Variants in HAS2 observed in about 807,000 individuals in gnomAD.
The protein encoded by HAS2 is HA synthase 2.
Under a neutral mutation model 51.6 loss-of-function variants are expected in HAS2, and 16 were observed. The observed-to-expected ratio is 0.31, with a 90% CI of 0.21 to 0.47. The LOEUF (loss-of-function observed/expected upper bound fraction) is 0.47. HAS2 is among the 20% of genes least tolerant of loss of function. The probability of loss-of-function intolerance (pLI) is 1.00; values close to 1 mark genes in which losing one functional copy is unlikely to be tolerated. For missense variants in HAS2, 361 were observed against 662.6 expected (o/e 0.54, Z 5.00); for synonymous variants, 228 against 235.5 (o/e 0.97, Z 0.29).
At chr8:121,638,131 GA>G (rs967891765) in intron 1 of HAS2, among the ~76,000 whole-genome samples, 2 of 152,146 alleles carry the variant, frequency 1.3e-5, no homozygotes, top group Non-Finnish European at 1.5e-5. Context: ...AAAAATTCAA[GA>G]AAAAAATTTT....
intron 2 of HAS2, among the ~76,000 whole-genome samples, chr8:121,624,477 G>A (rs929911163): frequency 6.6e-6 from 1 of 152,152 alleles, no homozygotes; most frequent in African/African-American, 2.4e-5. Flanking sequence ...TTACAAGTAC[G>A]TTTTACTGAG....
In HAS2 at chr8:121,617,214, G is replaced by A. The variant is rs1812715102; in HGVS notation, c.628-8C>T. ...AGTGTCTGAATCACAAACCTGCAAA[G>A]AAGCAAATGAAAAATGAGTTAAAGA... On this transcript the variant is annotated splice_polypyrimidine_tract_variant and splice_region_variant and intron_variant, in intron 2 of 3. Coordinates refer to ENST00000303924, the MANE Select transcript of HAS2 (RefSeq NM_005328.3). 2 of 1,526,054 alleles carry A rather than the reference G, an allele frequency of 1.3e-6. No homozygotes were observed. Among genetic ancestry groups the A allele is most frequent in the Non-Finnish European group, 1.8e-6 (2 of 1,110,798 alleles). The allele number at this position is 1,526,054 out of a possible 1,614,324, so 94.5% of individuals were successfully genotyped here. A position where few individuals can be genotyped will look rare whatever the true frequency, so the allele number is the denominator to read the frequency against.
chr8:121,636,655 T>A (rs1813014184), intron 1 of HAS2, among the ~76,000 whole-genome samples: 1 of 152,208 alleles, frequency 6.6e-6, no homozygotes, highest in Non-Finnish European at 1.5e-5. Context: ...GTTCCTGAAC[T>A]TCACCATCCT....
intron 1 of HAS2, among the ~76,000 whole-genome samples, chr8:121,633,772 C>T (rs1369682717): frequency 6.6e-6 from 1 of 152,194 alleles, no homozygotes; most frequent in Admixed American, 6.5e-5. Context: ...ACCTCGAAGC[C>T]ATTTCCTCTG....
chr8:121,635,783 G>A (rs913947403), intron 1 of HAS2, among the ~76,000 whole-genome samples: 2 of 152,218 alleles, frequency 1.3e-5, no homozygotes, highest in Non-Finnish European at 2.9e-5. Flanking sequence ...TTTATCTAAT[G>A]AAGGCGTGAA....
Position 121,617,146 on chromosome 8 carries a change from C to A in HAS2, c.688G>T (p.Glu230Ter). Residue 230 changes from glutamate to a stop codon, truncating the protein, a stop_gained, in exon 3 of 4, where the codon GAA becomes TAA. Coordinates refer to ENST00000303924, the MANE Select transcript of HAS2 (RefSeq NM_005328.3). LOFTEE classifies it high-confidence loss of function. ...ACACCTCCAACCATGGGATCTTCTT[C>A]TAAAACTTTTACCATCTCCACAGAT... ...ASSVEMVKVLEEDPMVGGVGG... is the reference protein window; with the variant it reads ...ASSVEMVKVL 6.2e-7 allele frequency: 1 copy of A among 1,612,572 alleles called. No homozygotes were observed.
intron 3 of HAS2, among the ~76,000 whole-genome samples, chr8:121,616,805 C>A (rs1275905017): frequency 2.0e-5 from 3 of 152,146 alleles, no homozygotes; most frequent in African/African-American, 7.2e-5. Context: ...AGTTATGGCC[C>A]AAAGGTATAT....
intron 3 of HAS2, among the ~76,000 whole-genome samples, chr8:121,616,711 C>T (rs992766880): frequency 2.6e-5 from 4 of 152,170 alleles, no homozygotes; most frequent in Admixed American, 1.3e-4. Flanking sequence ...GCTGGGATTA[C>T]AGGCATAAAC....
At chr8:121,632,142 C>T (rs1182400442) in intron 1 of HAS2, among the ~76,000 whole-genome samples, 1 of 152,160 alleles carries the variant, frequency 6.6e-6, no homozygotes, top group Non-Finnish European at 1.5e-5. Context: ...GTATGGCACA[C>T]ACAGCATCTT....
rs62524928 is a variant in HAS2 at position 121,614,420 on chromosome 8, C to T, written c.1348G>A (p.Ala450Thr). 1 of 1,614,020 alleles carries T rather than the reference C, an allele frequency of 6.2e-7. No homozygotes were observed. Among genetic ancestry groups the T allele is most frequent in the Non-Finnish European group, 8.5e-7 (1 of 1,179,980 alleles). ...SVLYMSSLLP[A>T]KMFAIATINK... The stretch of plus-strand genomic sequence containing the variant: ...ATTGTTGCAATTGCAAACATCTTGG[C>T]GGGAAGTAAACTCGACATGTATAAC... The change falls in exon 4 of 4, where the codon GCC (alanine) becomes ACC (threonine). Residue 450 changes from alanine (A) to threonine (T), a missense_variant. By Grantham distance (58) the Ala-to-Thr change is moderately conservative (BLOSUM62 0). Coordinates refer to ENST00000303924, the MANE Select transcript of HAS2 (RefSeq NM_005328.3). The surrounding 1 kb of genome is among the most constrained non-coding windows in gnomAD (Gnocchi z 7.2).
intron 3 of HAS2, 58 bp downstream of exon 3, chr8:121,617,047 A>G: frequency 1.1e-6 from 1 of 936,942 alleles, no homozygotes. Context: ...TCAATGAGTA[A>G]AAGTGCTCTT....
At chr8:121,635,562 C>T (rs1382972559) in intron 1 of HAS2, among the ~76,000 whole-genome samples, 4 of 152,188 alleles carry the variant, frequency 2.6e-5, no homozygotes, top group Non-Finnish European at 4.4e-5. Context: ...AGCAACCTGG[C>T]TCAGACAAAC....
rs976690940 is a variant in HAS2 at position 121,641,327 on chromosome 8, G to A, written c.-475C>T. The A allele has an allele frequency of 3.3e-5, 5 of 149,866 alleles. No individual in the cohort carries two copies. Among genetic ancestry groups the A allele is most frequent in the African/African-American group, 1.2e-4 (5 of 40,720 alleles). 9.3% of individuals were successfully genotyped at this position (149,866 alleles called of 1,614,324 possible). ...AAGTCTTTGGCTGGGGCTGTTTCAA[G>A]TCTCTGGTTCAATGGGCTGCTCGAA... On this transcript the variant is annotated 5_prime_UTR_variant, in exon 1 of 4. Coordinates refer to ENST00000303924, the MANE Select transcript of HAS2 (RefSeq NM_005328.3).
At chr8:121,639,684 GA>G in intron 1 of HAS2, 1 of 152,504 alleles carries the variant, frequency 6.6e-6, no homozygotes, top group Non-Finnish European at 1.5e-5. Context: ...GTGGTCAGAG[GA>G]AAAAGGCTCT....
intron 1 of HAS2, chr8:121,639,783 C>A (rs2130457556): frequency 6.6e-6 from 1 of 152,478 alleles, no homozygotes. Flanking sequence ...CCCTGGCTCA[C>A]GCTGGGCGGG....
chr8:121,629,679 T>C (rs1812903071), intron 1 of HAS2, among the ~76,000 whole-genome samples: 1 of 152,216 alleles, frequency 6.6e-6, no homozygotes, highest in South Asian at 2.1e-4. Context: ...ATATATGTGG[T>C]CATAGCCAGG....
In HAS2 at chr8:121,633,912, G is replaced by GT. The variant is rs540276424; in HGVS notation, c.1-4573dup. On this transcript the variant is annotated intron_variant, in intron 1 of 3. Transcript: ENST00000303924. ...TTACCCTAGTTTTTTGTTTTTTTGG[G>GT]TTTTTTTTTTTTTTTGAGACTGAAT... is the stretch of plus-strand genomic sequence containing the variant. Among the ~76,000 whole-genome samples, 727 of 135,144 alleles carry GT rather than the reference G, an allele frequency of 5.4e-3. 5 individuals are homozygous for GT. Among genetic ancestry groups the GT allele is most frequent in the African/African-American group, 0.015 (476 of 32,758 alleles). The allele number at this position is 135,144 out of a possible 152,430, so 88.7% of individuals were successfully genotyped here.
rs184767143 is a variant in HAS2 at position 121,620,759 on chromosome 8, G to C, written c.628-3553C>G. Among the ~76,000 whole-genome samples, 756 of 152,168 alleles carry C rather than the reference G, an allele frequency of 5.0e-3. 6 individuals are homozygous for C. Among genetic ancestry groups the C allele is most frequent in the Non-Finnish European group, 6.9e-3 (467 of 68,012 alleles). ...CTCCATTTCCCCCCTATCTAAAACA[G>C]GGATTGGCAAACCAAGGCCTACTGG... On this transcript the variant is annotated intron_variant, in intron 2 of 3. Coordinates refer to ENST00000303924, the MANE Select transcript of HAS2 (RefSeq NM_005328.3).
At chr8:121,639,513 G>A (rs202199965) in intron 1 of HAS2, 176 of 152,658 alleles carry the variant, frequency 1.2e-3, no homozygotes, top group African/African-American at 4.0e-3. Flanking sequence ...GCGGACGTTT[G>A]GGGGACGGAG....
Sources: allele counts gnomAD v4.1 joint callset (sites outside exome capture counted in the v4.1 genomes callset), GRCh38; gene constraint gnomAD v4.1.1; non-coding constraint Gnocchi (gnomAD v3.1); transcripts MANE v1.5; gene names NCBI Gene and HGNC (gene_info 2026-07-23, HGNC 2026-07-21).